PIWIL2: variants seen among roughly 807,000 people sequenced by gnomAD.
The protein encoded by PIWIL2 is piwi like RNA-mediated gene silencing 2.
Under a neutral mutation model 116.5 loss-of-function variants are expected in PIWIL2, and 81 were observed. The observed-to-expected ratio is 0.70, with a 90% CI of 0.58 to 0.84. PIWIL2 has a LOEUF of 0.84. Ranked by LOEUF, PIWIL2 falls within the 40% of genes least tolerant of loss-of-function variation. The pLI is 0.00. For synonymous variants in PIWIL2, 489 were observed against 429.5 expected, an observed-to-expected ratio of 1.14 and a Z score of -1.71; for missense variants, 1,272 against 1,212.3, an observed-to-expected ratio of 1.05 and a Z score of -0.73.
rs1394251761 is a variant in PIWIL2, at chr8:22,354,319, T to C, written c.2706T>C (p.Ile902=). ...LAHHVRQGCG[I]PTHYVCVLNT... ...ATCATGTACGGCAGGGCTGTGGCAT[T>C]CCTACGCATTATGTCTGTGTTCTCA... The change falls in exon 22 of 23, where the codon ATT becomes ATC. Residue 902 remains isoleucine (I), a synonymous_variant. Transcript: ENST00000356766. The C allele has an allele frequency of 6.2e-7, 1 of 1,613,888 alleles. No individual in the cohort carries two copies. Among genetic ancestry groups the C allele is most frequent in the Admixed American group, 1.7e-5 (1 of 60,008 alleles).
intron 21 of PIWIL2, 107 bp downstream of exon 21, chr8:22,353,319 C>T: frequency 1.1e-6 from 1 of 933,004 alleles, no homozygotes; most frequent in East Asian, 2.4e-5. Flanking sequence ...GGACTAGAAT[C>T]TCAGAGAGGC....
intron 10 of PIWIL2, among the ~76,000 whole-genome samples, chr8:22,294,924 A>AAT (rs1830859858): frequency 6.8e-6 from 1 of 146,914 alleles, no homozygotes; most frequent in Non-Finnish European, 1.5e-5. Context: ...AAAAAAAAAA[A>AAT]AAAAATTAAC....
Position 22,289,901 on chromosome 8 carries a change from A to G in PIWIL2, c.1041A>G (p.Thr347=), listed in dbSNP as rs1259382095. Reference sequence around the variant, plus strand: ...TGGGGAGAAACTTTTATGACCCTACAAGTGCTATGGTACTACAGCAACACA... The same window carrying G: ...TGGGGAGAAACTTTTATGACCCTACGAGTGCTATGGTACTACAGCAACACA... ...KLVGRNFYDP[T]SAMVLQQHRL... is the part of the protein sequence containing the mutation. Residue 347 remains threonine, a synonymous_variant, in exon 9 of 23, where the codon ACA becomes ACG. Transcript: ENST00000356766. 1.9e-6 allele frequency: 3 copies of G among 1,611,164 alleles called. No individual in the cohort carries two copies. Among genetic ancestry groups the G allele is most frequent in the Admixed American group, 3.3e-5 (2 of 59,992 alleles).
chr8:22,333,989 A>G (rs564849999), intron 20 of PIWIL2, among the ~76,000 whole-genome samples: 34 of 143,914 alleles, frequency 2.4e-4, no homozygotes, highest in African/African-American at 8.9e-4. Flanking sequence ...TTTTTTTTGG[A>G]GACAGTTTTT....
Position 22,319,458 on chromosome 8 carries a change from C to T in PIWIL2, c.2403+1183C>T, listed in dbSNP as rs1192320242. Among the ~76,000 whole-genome samples the T allele has an allele frequency of 2.0e-5, 3 of 152,270 alleles. No individual in the cohort carries two copies. The East Asian group carries it at 5.8e-4, about 29-fold the overall frequency. On this transcript the variant is annotated intron_variant, in intron 20 of 22. Coordinates refer to ENST00000356766, the MANE Select transcript of PIWIL2 (RefSeq NM_018068.5). ...ATCTGTGAAGACTTTTCCCTTCTTCCCTCACTGCTCCATTCTTAAGCTGCC... is the reference window on the plus strand; with the variant it reads ...ATCTGTGAAGACTTTTCCCTTCTTCTCTCACTGCTCCATTCTTAAGCTGCC...
intron 20 of PIWIL2, among the ~76,000 whole-genome samples, chr8:22,335,774 G>T (rs1831967531): frequency 6.6e-6 from 1 of 152,110 alleles, no homozygotes; most frequent in Admixed American, 6.6e-5. Flanking sequence ...GGCCAGGCTA[G>T]TCTGGAACTT....
At chr8:22,287,261 A>G (rs889648850) in intron 6 of PIWIL2, among the ~76,000 whole-genome samples, 16 of 152,184 alleles carry the variant, frequency 1.1e-4, no homozygotes, top group Admixed American at 9.2e-4. Flanking sequence ...ACAAATGTGT[A>G]TATATGAAAG....
chr8:22,303,298 A>G (rs1831095193), intron 10 of PIWIL2, among the ~76,000 whole-genome samples: 1 of 152,256 alleles, frequency 6.6e-6, no homozygotes, highest in African/African-American at 2.4e-5. Flanking sequence ...TAATGATATT[A>G]TAGCAATGGC....
intron 20 of PIWIL2, among the ~76,000 whole-genome samples, chr8:22,319,712 C>T (rs945414899): frequency 4.6e-5 from 7 of 152,204 alleles, no homozygotes; most frequent in African/African-American, 1.4e-4. Flanking sequence ...CACATGGGCT[C>T]TTTGGGCCTC....
At chr8:22,279,725 G>A in intron 2 of PIWIL2, 141 bp downstream of exon 2, 1 of 721,334 alleles carries the variant, frequency 1.4e-6, no homozygotes. Context: ...GGCCGAGGCA[G>A]GTGGATCATC....
At chr8:22,314,465 C>A in intron 17 of PIWIL2, 36 bp downstream of exon 17, 7 of 1,079,992 alleles carry the variant, frequency 6.5e-6, no homozygotes, top group Non-Finnish European at 9.4e-6. Flanking sequence ...GCAGATGGCA[C>A]CTCTCGCCTC....
intron 10 of PIWIL2, among the ~76,000 whole-genome samples, chr8:22,301,348 G>T (rs1438005216): frequency 6.6e-6 from 1 of 151,218 alleles, no homozygotes; most frequent in Non-Finnish European, 1.5e-5. Flanking sequence ...ACCCAGGATG[G>T]AGTGCAGTGG....
At chr8:22,324,905 G>C (rs1028573156) in intron 20 of PIWIL2, among the ~76,000 whole-genome samples, 15 of 152,176 alleles carry the variant, frequency 9.9e-5, no homozygotes, top group African/African-American at 3.6e-4. Context: ...AGCTAGGAGA[G>C]AGGCATGAAC....
At chr8:22,285,167 T>TA (rs1830601867) in intron 6 of PIWIL2, among the ~76,000 whole-genome samples, 1 of 152,186 alleles carries the variant, frequency 6.6e-6, no homozygotes, top group African/African-American at 2.4e-5. Context: ...CACTAAAACT[T>TA]ACTCCACCTG....
At chr8:22,291,898 G>A (rs2132004157) in intron 10 of PIWIL2, among the ~76,000 whole-genome samples, 1 of 152,256 alleles carries the variant, frequency 6.6e-6, no homozygotes, top group East Asian at 1.9e-4. Context: ...AAAGCGATAA[G>A]AGCCATGGAA....
intron 20 of PIWIL2, among the ~76,000 whole-genome samples, chr8:22,324,519 A>T (rs1284170065): frequency 6.6e-6 from 1 of 152,184 alleles, no homozygotes; most frequent in African/African-American, 2.4e-5. Flanking sequence ...ACTACTAGGC[A>T]ACATAACTGC....
At position 22,281,407 on chromosome 8, in the gene PIWIL2, C is replaced by T; in HGVS notation, c.317C>T (p.Ala106Val). The T allele has an allele frequency of 6.2e-7, 1 of 1,608,432 alleles. No homozygotes were observed. Among genetic ancestry groups the T allele is most frequent in the Non-Finnish European group, 8.5e-7 (1 of 1,178,864 alleles). Residue 106 changes from alanine (A) to valine (V), a missense_variant, in exon 4 of 23, where the codon GCT becomes GTT. By Grantham distance (64) the Ala-to-Val change is moderately conservative. Transcript: ENST00000356766. ...GRGILGRGLS[A>V]NLVRKDREEL... ...GGCATTTTAGGTCGAGGCTTGTCTG[C>T]TAATCTGGTACGCAAGGACAGGGAG...
intron 20 of PIWIL2, among the ~76,000 whole-genome samples, chr8:22,322,258 C>A (rs1015968278): frequency 5.9e-5 from 9 of 151,818 alleles, no homozygotes; most frequent in East Asian, 3.9e-4. Context: ...CCCTCCCCCC[C>A]ACCTTTTTTT....
chr8:22,325,445 C>T (rs1831700481), intron 20 of PIWIL2, among the ~76,000 whole-genome samples: 1 of 149,606 alleles, frequency 6.7e-6, no homozygotes, highest in Non-Finnish European at 1.5e-5. Flanking sequence ...AATGGGACTC[C>T]ATGGTCTAAA....
Sources: allele counts gnomAD v4.1 joint callset (sites outside exome capture counted in the v4.1 genomes callset), GRCh38; gene constraint gnomAD v4.1.1; transcripts MANE v1.5; gene names NCBI Gene and HGNC (gene_info 2026-07-23, HGNC 2026-07-21).